The following ATRX variants were observed in gnomAD, a reference collection of about 807,000 sequenced individuals.
ATRX encodes ATRX chromatin remodeler, also known as chromatin remodeler ATRX.
Under a neutral mutation model 172.6 loss-of-function variants are expected in ATRX, and 12 were observed. The observed-to-expected ratio is 0.07, with a 90% confidence interval of 0.04 to 0.11. ATRX has a LOEUF of 0.11. Among genes scored for constraint, ATRX ranks in the 10% least tolerant of loss-of-function variants. The probability of loss-of-function intolerance (pLI) is 1.00; values close to 1 mark genes in which losing one functional copy is unlikely to be tolerated. For missense variants in ATRX, 1,368 were observed against 1,767.4 expected (o/e 0.77, Z 4.05); for synonymous variants, 674 against 594.7 (o/e 1.13, Z -1.94).
At chrX:77,626,517 AGT>A (rs2067858011) in intron 19 of ATRX, among the ~76,000 whole-genome samples, 1 of 111,591 alleles carries the variant, frequency 9.0e-6, no homozygotes, top group Non-Finnish European at 1.9e-5. Flanking sequence ...AATAAAAAGG[AGT>A]GTGTTGCAGA....
intron 25 of ATRX, chrX:77,595,471 C>T (rs1557083400): frequency 1.8e-5 from 2 of 111,470 alleles, no homozygotes; most frequent in African/African-American, 6.5e-5. Context: ...AGGCCATGAC[C>T]GTAAATTCAA....
At chrX:77,560,209 T>G (rs1446689909) in intron 28 of ATRX, among the ~76,000 whole-genome samples, 2 of 111,537 alleles carry the variant, frequency 1.8e-5, no homozygotes, top group African/African-American at 6.5e-5. Context: ...TACTTTGATA[T>G]TAATGAAAAT....
At chrX:77,689,302 G>A (rs782237723) in intron 6 of ATRX, among the ~76,000 whole-genome samples, 103 of 111,781 alleles carry the variant, frequency 9.2e-4, no homozygotes, top group African/African-American at 3.2e-3. Context: ...TAACATATAC[G>A]GAACAGATTC....
chrX:77,693,998 CTTCAG>C (rs1196205122), intron 5 of ATRX, 61 bp from the exon 6 acceptor site: 21 of 923,394 alleles, frequency 2.3e-5, no homozygotes, highest in African/African-American at 2.1e-4. Context: ...AAGTACAAGA[CTTCAG>C]TTCAGATAAA....
In ATRX at chrX:77,718,452, C is replaced by A. The variant is rs45594933; in HGVS notation, c.21-1209G>T. The stretch of plus-strand genomic sequence containing the variant: ...GCAGTGGCGTGATCTTGGCTCACTG[C>A]AAGCTCTGCCTCCCGGGTTCACACC... On this transcript the variant is annotated intron_variant, in intron 1 of 34. Transcript: ENST00000373344. Among the ~76,000 whole-genome samples the A allele has an allele frequency of 5.5e-4, 57 of 104,399 alleles. No individual in the cohort carries two copies. In the East Asian group the frequency reaches 0.018, roughly 32 times the overall value. 90.7% of individuals were successfully genotyped at this position (104,399 alleles called of 115,157 possible).
intron 26 of ATRX, among the ~76,000 whole-genome samples, chrX:77,590,789 T>TGCG (rs2066221406): frequency 9.0e-6 from 1 of 111,381 alleles, no homozygotes; most frequent in African/African-American, 3.3e-5. Flanking sequence ...CTGTAAAAAC[T>TGCG]GTAAGAACAG....
chrX:77,747,681 A>G (rs2148868171), intron 1 of ATRX, among the ~76,000 whole-genome samples: 1 of 111,992 alleles, frequency 8.9e-6, no homozygotes. Context: ...CAAGGAGCTC[A>G]CAATCTAATA....
At chrX:77,556,047 G>A (rs1261157390) in intron 30 of ATRX, among the ~76,000 whole-genome samples, 2 of 105,238 alleles carry the variant, frequency 1.9e-5, no homozygotes, top group Non-Finnish European at 3.9e-5. Context: ...GTGGTGGCAG[G>A]CGCCTATAGT....
intron 13 of ATRX, among the ~76,000 whole-genome samples, chrX:77,654,578 A>T (rs1304545512): frequency 8.9e-6 from 1 of 111,878 alleles, no homozygotes; most frequent in Non-Finnish European, 1.9e-5. Flanking sequence ...TTTAAAAAAA[A>T]AAGTAACAAC....
chrX:77,724,844 T>G (rs573501394), intron 1 of ATRX, among the ~76,000 whole-genome samples: 1 of 111,892 alleles, frequency 8.9e-6, no homozygotes, highest in Admixed American at 9.6e-5. Flanking sequence ...ACATCATTTC[T>G]AGAGTCATAT....
At chrX:77,632,818 C>A (rs1293172984) in intron 19 of ATRX, among the ~76,000 whole-genome samples, 2 of 111,569 alleles carry the variant, frequency 1.8e-5, no homozygotes, top group Non-Finnish European at 3.8e-5. Context: ...AGGAGATAAG[C>A]AAGCAGCAAT....
chrX:77,547,360 C>T (rs1411496880), intron 30 of ATRX, among the ~76,000 whole-genome samples: 10 of 111,517 alleles, frequency 9.0e-5, no homozygotes, highest in Non-Finnish European at 1.3e-4. Context: ...AGCTTGCCAG[C>T]GTTAGGGAGG....
chrX:77,784,411 G>T (rs1473598805), intron 1 of ATRX, among the ~76,000 whole-genome samples: 1 of 112,266 alleles, frequency 8.9e-6, no homozygotes, highest in Non-Finnish European at 1.9e-5. Flanking sequence ...TTCTATATAC[G>T]TAATTTGTTC....
At chrX:77,648,275 A>G (rs1186125917) in intron 15 of ATRX, among the ~76,000 whole-genome samples, 1 of 111,764 alleles carries the variant, frequency 8.9e-6, no homozygotes, top group East Asian at 2.8e-4. Flanking sequence ...AATCTGATCA[A>G]AATTTATAGA....
chrX:77,728,251 A>C (rs1191148518), intron 1 of ATRX, among the ~76,000 whole-genome samples: 1 of 110,229 alleles, frequency 9.1e-6, no homozygotes, highest in Non-Finnish European at 1.9e-5. Context: ...ATCACTTCGC[A>C]GAAGGATTAG....
chrX:77,571,229 T>C (rs1413211842), intron 28 of ATRX, among the ~76,000 whole-genome samples: 7 of 111,774 alleles, frequency 6.3e-5, no homozygotes, highest in African/African-American at 1.6e-4. Context: ...AATGAAAACT[T>C]AGGTCCACAC....
intron 1 of ATRX, among the ~76,000 whole-genome samples, chrX:77,769,773 C>A (rs782150812): frequency 5.4e-5 from 6 of 111,422 alleles, no homozygotes; most frequent in Non-Finnish European, 1.1e-4. Context: ...TTATACCATC[C>A]AATTCTCCAT....
chrX:77,614,936 A>T (rs926442108), intron 22 of ATRX, among the ~76,000 whole-genome samples: 7 of 111,444 alleles, frequency 6.3e-5, no homozygotes, highest in Non-Finnish European at 1.3e-4. Flanking sequence ...CATGAGGTCA[A>T]CTCAAAAGAG....
Position 77,767,704 on chromosome X carries a change from T to C in ATRX, c.20+18278A>G, listed in dbSNP as rs781929290. The stretch of plus-strand genomic sequence containing the variant: ...GCCCCAGTGCCCAGCCCCAACATAA[T>C]AGATTTAAGAGTAGCTGCAAATCCA... On this transcript the variant is annotated intron_variant, in intron 1 of 34. Transcript: ENST00000373344. Among the ~76,000 whole-genome samples, 11 of 111,361 alleles carry C rather than the reference T, an allele frequency of 9.9e-5. 1 individual carries two copies. The highest frequency in any genetic ancestry group is 4.6e-3 in the Middle Eastern group (1 of 218).
Sources: gnomAD v4.1 joint callset for allele counts (sites outside exome capture counted in the v4.1 genomes callset) on GRCh38, gnomAD v4.1.1 for gene constraint, MANE v1.5 for transcripts, NCBI Gene and HGNC (gene_info 2026-07-23, HGNC 2026-07-21) for gene names.